The following ST6GALNAC3 variants were observed in gnomAD, a reference collection of about 807,000 sequenced individuals.
ST6GALNAC3 encodes ST6 N-acetylgalactosaminide alpha-2,6-sialyltransferase 3.
ST6GALNAC3 carries 25 observed loss-of-function variants against 32.7 expected under a neutral mutation model. The observed-to-expected ratio is 0.76, with a 90% CI of 0.56 to 1.07. The LOEUF (loss-of-function observed/expected upper bound fraction) is 1.07. Among genes scored for constraint, ST6GALNAC3 ranks in the 50% least tolerant of loss-of-function variants. The pLI, the probability that ST6GALNAC3 is intolerant of heterozygous loss-of-function variation, is 0.00. For synonymous variants in ST6GALNAC3, 129 were observed against 133.1 expected, an observed-to-expected ratio of 0.97 and a Z score of 0.21; for missense variants, 355 against 382.4, an observed-to-expected ratio of 0.93 and a Z score of 0.60.
chr1:76,613,590 G>A (rs1011251049), intron 3 of ST6GALNAC3, among the ~76,000 whole-genome samples: 6 of 152,220 alleles, frequency 3.9e-5, no homozygotes, highest in Non-Finnish European at 8.8e-5. Flanking sequence ...TGGAGGAGGG[G>A]CCTGGTGGGA....
chr1:76,291,271 C>T (rs1008139318), intron 1 of ST6GALNAC3, among the ~76,000 whole-genome samples: 7 of 152,200 alleles, frequency 4.6e-5, no homozygotes, highest in South Asian at 2.1e-4. Flanking sequence ...GTTGGAGGGG[C>T]GGGCTGATTG....
chr1:76,393,888 A>G (rs1477973829), intron 2 of ST6GALNAC3, among the ~76,000 whole-genome samples: 1 of 152,172 alleles, frequency 6.6e-6, no homozygotes, highest in East Asian at 1.9e-4. Context: ...GAAGAGATAA[A>G]CTACTATACT....
chr1:76,349,760 T>A (rs1648820074), intron 2 of ST6GALNAC3, among the ~76,000 whole-genome samples: 1 of 152,236 alleles, frequency 6.6e-6, no homozygotes, highest in Non-Finnish European at 1.5e-5. Flanking sequence ...GCTCCTCTCC[T>A]TCCCAAAGTT....
At chr1:76,285,385 G>GGGGTGTGTGTGTGT (rs1553173691) in intron 1 of ST6GALNAC3, among the ~76,000 whole-genome samples, 7 of 148,374 alleles carry the variant, frequency 4.7e-5, no homozygotes, top group African/African-American at 7.5e-5. Context: ...TCGGGAGGAT[G>GGGGTGTGTGTGTGT]GTGTGTGTGT....
At chr1:76,614,505 G>A (rs182749632) in intron 3 of ST6GALNAC3, among the ~76,000 whole-genome samples, 1,830 of 152,052 alleles carry the variant, frequency 0.012, 14 homozygotes, top group Middle Eastern at 0.031. Context: ...AGATCACGAG[G>A]TCAGGAGATG....
At chr1:76,576,691 G>A (rs1446672741) in intron 3 of ST6GALNAC3, among the ~76,000 whole-genome samples, 1 of 152,026 alleles carries the variant, frequency 6.6e-6, no homozygotes, top group Non-Finnish European at 1.5e-5. Context: ...CAGATGACAT[G>A]TCAGAAAAAA....
intron 3 of ST6GALNAC3, among the ~76,000 whole-genome samples, chr1:76,538,746 A>C (rs1306899824): frequency 6.6e-6 from 1 of 152,192 alleles, no homozygotes; most frequent in Non-Finnish European, 1.5e-5. Context: ...GTGCCAAATC[A>C]TGAATGAACT....
chr1:76,168,646 G>C (rs892718810), intron 1 of ST6GALNAC3, among the ~76,000 whole-genome samples: 2 of 152,168 alleles, frequency 1.3e-5, no homozygotes, highest in African/African-American at 4.8e-5. Context: ...GAATCTGAGT[G>C]TTCCTGTGTT....
chr1:76,075,678 T>G (rs889707145), intron 1 of ST6GALNAC3, among the ~76,000 whole-genome samples: 1 of 151,006 alleles, frequency 6.6e-6, no homozygotes, highest in African/African-American at 2.4e-5. Context: ...AAAAGAACTT[T>G]CCATCCCACT....
intron 3 of ST6GALNAC3, among the ~76,000 whole-genome samples, chr1:76,504,481 A>G (rs1571444043): frequency 6.6e-6 from 1 of 152,140 alleles, no homozygotes; most frequent in Non-Finnish European, 1.5e-5. Flanking sequence ...ACAATATTGA[A>G]TAAGTATCTG....
At chr1:76,487,345 C>G (rs1039556189) in intron 3 of ST6GALNAC3, among the ~76,000 whole-genome samples, 1 of 152,132 alleles carries the variant, frequency 6.6e-6, no homozygotes, top group Non-Finnish European at 1.5e-5. Flanking sequence ...CCATTCTCCC[C>G]GTCACTTTCA....
intron 1 of ST6GALNAC3, among the ~76,000 whole-genome samples, chr1:76,253,204 C>A (rs1398180382): frequency 6.6e-6 from 1 of 152,008 alleles, no homozygotes; most frequent in Non-Finnish European, 1.5e-5. Context: ...CCCAGAAGCC[C>A]TTAGACTCCC....
At chr1:76,317,429 A>G (rs182944676) in intron 2 of ST6GALNAC3, among the ~76,000 whole-genome samples, 3 of 152,282 alleles carry the variant, frequency 2.0e-5, no homozygotes, top group African/African-American at 7.2e-5. Context: ...TTAAATAGTG[A>G]CCACAAAACC....
rs149206887 is a variant in ST6GALNAC3 at position 76,384,781 on chromosome 1, A to T, written c.214-27227A>T. ...TGTGACCCAGTAATTCCATTCCTAG[A>T]TACCTCACATTCATGGGTACATTTG... On this transcript the variant is annotated intron_variant, in intron 2 of 4. Coordinates refer to ENST00000328299, the MANE Select transcript of ST6GALNAC3 (RefSeq NM_152996.4). Among the ~76,000 whole-genome samples the T allele has an allele frequency of 8.9e-4, 134 of 150,828 alleles. 1 individual carries two copies. The highest frequency in any genetic ancestry group is 3.6e-3 in the Admixed American group (54 of 15,056).
chr1:76,275,145 A>C (rs979846985), intron 1 of ST6GALNAC3, among the ~76,000 whole-genome samples: 1 of 152,228 alleles, frequency 6.6e-6, no homozygotes, highest in Non-Finnish European at 1.5e-5. Flanking sequence ...GGCATTTAGG[A>C]AAAGATTCAT....
intron 1 of ST6GALNAC3, among the ~76,000 whole-genome samples, chr1:76,221,451 T>C (rs1570481452): frequency 6.6e-6 from 1 of 152,062 alleles, no homozygotes; most frequent in African/African-American, 2.4e-5. Context: ...AAGGTAGACA[T>C]TTGAGATTAC....
chr1:76,268,440 A>G (rs1048126309), intron 1 of ST6GALNAC3, among the ~76,000 whole-genome samples: 3 of 152,168 alleles, frequency 2.0e-5, no homozygotes, highest in Admixed American at 6.5e-5. Context: ...GACTGCCACA[A>G]TGTGTGGGAC....
At chr1:76,400,192 G>A (rs940605670) in intron 2 of ST6GALNAC3, among the ~76,000 whole-genome samples, 1 of 152,094 alleles carries the variant, frequency 6.6e-6, no homozygotes, top group Non-Finnish European at 1.5e-5. Context: ...ATCAGACTAA[G>A]GAAGTCCCTT....
intron 3 of ST6GALNAC3, among the ~76,000 whole-genome samples, chr1:76,570,893 T>C (rs1665821204): frequency 6.6e-6 from 1 of 152,042 alleles, no homozygotes; most frequent in African/African-American, 2.4e-5. Flanking sequence ...AGGTGCCACT[T>C]CTTTGTTCAT....
Sources: gnomAD v4.1 joint callset for allele counts (sites outside exome capture counted in the v4.1 genomes callset) on GRCh38, gnomAD v4.1.1 for gene constraint, MANE v1.5 for transcripts, NCBI Gene and HGNC (gene_info 2026-07-23, HGNC 2026-07-21) for gene names.